The following MPZL1 variants were observed in gnomAD, a reference collection of about 807,000 sequenced individuals.
MPZL1 encodes myelin protein zero like 1.
MPZL1 carries 16 observed loss-of-function variants against 29.3 expected under a neutral mutation model. The ratio of observed to expected loss-of-function variants is 0.55; its 90% CI spans 0.37 to 0.83. MPZL1 has a LOEUF of 0.83. Among genes scored for constraint, MPZL1 ranks in the 40% least tolerant of loss-of-function variants. MPZL1 has a pLI of 0.00. For missense variants in MPZL1, 279 were observed against 332.9 expected (o/e 0.84, Z 1.26); for synonymous variants, 143 against 132.0 (o/e 1.08, Z -0.57).
chr1:167,757,817 A>T (rs1319225567), intron 1 of MPZL1, among the ~76,000 whole-genome samples: 2 of 152,200 alleles, frequency 1.3e-5, no homozygotes, highest in Non-Finnish European at 2.9e-5. Flanking sequence ...AGCCTTTTTC[A>T]GTTTCAAGGA....
chr1:167,729,152 C>T (rs1362123834), intron 1 of MPZL1, among the ~76,000 whole-genome samples: 1 of 151,870 alleles, frequency 6.6e-6, no homozygotes, highest in African/African-American at 2.4e-5. Context: ...CACCTATAAT[C>T]CCAGCCACTT....
intron 1 of MPZL1, among the ~76,000 whole-genome samples, chr1:167,729,800 C>T (rs772399030): frequency 2.0e-5 from 3 of 152,194 alleles, no homozygotes; most frequent in Non-Finnish European, 4.4e-5. Flanking sequence ...CTATGTGCCA[C>T]GCCTTTGCTA....
intron 5 of MPZL1, among the ~76,000 whole-genome samples, chr1:167,786,799 T>TA (rs1222997574): frequency 6.6e-6 from 1 of 152,244 alleles, no homozygotes; most frequent in Non-Finnish European, 1.5e-5. Flanking sequence ...GGTGAAAGCT[T>TA]AAGCACGTTA....
In MPZL1 at chr1:167,783,997, A is replaced by C. The variant is rs575942978; in HGVS notation, c.709-3823A>C. 1.5e-4 allele frequency among the ~76,000 whole-genome samples: 23 copies of C among 152,344 alleles called. No individual in the cohort carries two copies. The South Asian group carries it at 4.8e-3, about 32-fold the overall frequency. ...GACTAGAATCAAATTAAATAGGGCT[A>C]CAGGCTACAGAGACTGTGAAAGGTG... is the stretch of plus-strand genomic sequence containing the variant. On this transcript the variant is annotated intron_variant, in intron 5 of 5. Transcript: ENST00000359523.
chr1:167,729,353 A>G (rs1660219198), intron 1 of MPZL1, among the ~76,000 whole-genome samples: 1 of 152,116 alleles, frequency 6.6e-6, no homozygotes, highest in Non-Finnish European at 1.5e-5. Flanking sequence ...TACAATGTGG[A>G]GTTATATACA....
At chr1:167,738,089 C>G (rs1660415984) in intron 1 of MPZL1, among the ~76,000 whole-genome samples, 1 of 152,038 alleles carries the variant, frequency 6.6e-6, no homozygotes, top group African/African-American at 2.4e-5. Context: ...CTGTGCCCGG[C>G]TAATTTTTTG....
intron 1 of MPZL1, among the ~76,000 whole-genome samples, chr1:167,746,004 T>G (rs1289936576): frequency 6.6e-6 from 1 of 152,108 alleles, no homozygotes; most frequent in Non-Finnish European, 1.5e-5. Flanking sequence ...TGTCTTACCC[T>G]CAGTGGTGTC....
chr1:167,722,017 G>C lies in MPZL1; in HGVS notation c.-135G>C. On this transcript the variant is annotated 5_prime_UTR_variant, in exon 1 of 6. Transcript: ENST00000359523. ...AGAGCCGCGGCTGGGACCGGAGTGG[G>C]GAGCGCGGCGTGGAGGTGCCACCCG... 8.4e-7 allele frequency: 1 copy of C among 1,184,384 alleles called. No individual in the cohort carries two copies. 73.4% of individuals were successfully genotyped at this position (1,184,384 alleles called of 1,614,324 possible).
At chr1:167,752,726 G>A in intron 1 of MPZL1, among the ~76,000 whole-genome samples, 1 of 152,116 alleles carries the variant, frequency 6.6e-6, no homozygotes, top group Non-Finnish European at 1.5e-5. Flanking sequence ...ATACTCTTTT[G>A]CCAGATTTTT....
In MPZL1 at chr1:167,773,246, T is replaced by C. The variant is rs775028134; in HGVS notation, c.483T>C (p.Pro161=). The C allele has an allele frequency of 6.2e-7, 1 of 1,613,010 alleles. No individual in the cohort carries two copies. Among genetic ancestry groups the C allele is most frequent in the East Asian group, 2.2e-5 (1 of 44,866 alleles). ...RLYVVEKENL[P]VFPVWVVVGI... is the part of the protein sequence containing the mutation. ...GTTCTTTCTCTCTAGAGAATTTGCC[T>C]GTGTTTCCAGTTTGGGTAGTGGTGG... is the stretch of plus-strand genomic sequence containing the variant. The change falls in exon 4 of 6, where the codon CCT becomes CCC. Residue 161 remains proline, a synonymous_variant. Transcript: ENST00000359523.
intron 3 of MPZL1, 93 bp from the exon 4 acceptor site, chr1:167,773,143 C>G: frequency 7.4e-7 from 1 of 1,355,570 alleles, no homozygotes; most frequent in Non-Finnish European, 1.0e-6. Flanking sequence ...ACGGTAACTG[C>G]TAAATGAAGA....
At chr1:167,744,554 T>G (rs895699488) in intron 1 of MPZL1, among the ~76,000 whole-genome samples, 1 of 151,734 alleles carries the variant, frequency 6.6e-6, no homozygotes, top group Non-Finnish European at 1.5e-5. Flanking sequence ...CATGGTCGTG[T>G]GCGTCTATAA....
intron 1 of MPZL1, among the ~76,000 whole-genome samples, chr1:167,753,645 A>C (rs993690729): frequency 2.3e-4 from 33 of 144,618 alleles, no homozygotes; most frequent in Non-Finnish European, 4.5e-5. Context: ...TTTTTTTTTG[A>C]GACGGAGTCT....
At chr1:167,772,139 G>A (rs913209097) in intron 2 of MPZL1, 136 bp from the exon 3 acceptor site, 2 of 710,870 alleles carry the variant, frequency 2.8e-6, no homozygotes, top group Non-Finnish European at 4.8e-6. Context: ...GAGAGAGGGG[G>A]AGAGGGAGAG....
intron 1 of MPZL1, among the ~76,000 whole-genome samples, chr1:167,754,894 T>C (rs1042382127): frequency 6.6e-6 from 1 of 152,234 alleles, no homozygotes; most frequent in African/African-American, 2.4e-5. Flanking sequence ...AGAGCAGTTA[T>C]GGTTTACAGC....
chr1:167,754,941 C>CCT (rs1269589638), intron 1 of MPZL1, among the ~76,000 whole-genome samples: 1 of 152,164 alleles, frequency 6.6e-6, no homozygotes, highest in Non-Finnish European at 1.5e-5. Context: ...CCATCTGTCT[C>CCT]CTCCATGGCC....
chr1:167,728,024 C>G (rs1179697685), intron 1 of MPZL1, among the ~76,000 whole-genome samples: 5 of 113,704 alleles, frequency 4.4e-5, no homozygotes, highest in Non-Finnish European at 8.1e-5. Flanking sequence ...TAAGCCACCA[C>G]GCCCAACTAA....
intron 1 of MPZL1, among the ~76,000 whole-genome samples, chr1:167,738,079 C>T (rs965634567): frequency 5.3e-5 from 8 of 152,140 alleles, no homozygotes; most frequent in African/African-American, 1.9e-4. Flanking sequence ...GCGCCTGCCA[C>T]TGTGCCCGGC....
chr1:167,731,568 C>G (rs1013313369), intron 1 of MPZL1, among the ~76,000 whole-genome samples: 2 of 151,366 alleles, frequency 1.3e-5, no homozygotes, highest in Non-Finnish European at 2.9e-5. Flanking sequence ...TCCAAAGTAG[C>G]TGGGACTACA....
Sources: allele counts gnomAD v4.1 joint callset (sites outside exome capture counted in the v4.1 genomes callset), GRCh38; gene constraint gnomAD v4.1.1; transcripts MANE v1.5; gene names NCBI Gene and HGNC (gene_info 2026-07-23, HGNC 2026-07-21).